PLD6: variants seen among roughly 807,000 people sequenced by gnomAD.
The protein encoded by PLD6 is mitochondrial cardiolipin hydrolase.
A neutral mutation model predicts 9.7 loss-of-function variants in PLD6; 10 were observed. That is an observed-to-expected ratio of 1.03 (90% CI 0.64 to 1.75). The LOEUF is 1.75. Ranked by LOEUF, PLD6 falls within the 40% of genes most tolerant of loss-of-function variation. The probability of loss-of-function intolerance (pLI) is 0.00; values close to 1 mark genes in which losing one functional copy is unlikely to be tolerated. For synonymous variants in PLD6, 152 were observed against 159.2 expected, an observed-to-expected ratio of 0.96 and a Z score of 0.34; for missense variants, 334 against 347.6, an observed-to-expected ratio of 0.96 and a Z score of 0.31.
At position 17,204,628 on chromosome 17, in the gene PLD6, T is replaced by TA. The variant is rs1413225927; in HGVS notation, c.427+1231dup. On this transcript the variant is annotated intron_variant, in intron 1 of 1. Coordinates refer to ENST00000321560, the MANE Select transcript of PLD6 (RefSeq NM_178836.4). ...GAGGGGATCCGATGGGACCTTGGTC[T>TA]AGGGGCCCTTGAAGGGTCTTCACCA... Among the ~76,000 whole-genome samples, 5 of 152,312 alleles carry TA rather than the reference T, an allele frequency of 3.3e-5. No homozygotes were observed. In the East Asian group the frequency reaches 7.7e-4, roughly 24 times the overall value.
chr17:17,202,820 T>G lies in PLD6; in HGVS notation c.706A>C (p.Arg236=). The part of the protein sequence containing the change: ...CAPPVSRAGG[R]LLSWHRTCGT... Reference sequence around the variant, plus strand: ...CAAGTTCTGTGCCATGAAAGCAATCTCCCTCCAGCTCTGGAGACAGGTGGG... The same window carrying G: ...CAAGTTCTGTGCCATGAAAGCAATCGCCCTCCAGCTCTGGAGACAGGTGGG... Residue 236 remains arginine (R), a synonymous_variant, in exon 2 of 2, where the codon AGA becomes CGA. Transcript: ENST00000321560. 1 of 1,614,150 alleles carries G rather than the reference T, an allele frequency of 6.2e-7. No individual in the cohort carries two copies. Among genetic ancestry groups the G allele is most frequent in the Non-Finnish European group, 8.5e-7 (1 of 1,180,020 alleles).
rs1289056985 is a variant in PLD6, at chr17:17,206,121, G to A, written c.166C>T (p.Arg56Trp). Residue 56 changes from arginine (R) to tryptophan (W), a missense_variant, in exon 1 of 2, where the codon CGG (arginine) becomes TGG (tryptophan). Coordinates refer to ENST00000321560, the MANE Select transcript of PLD6 (RefSeq NM_178836.4). ...TCGGCCAGCTCCGCGCCCGGAGCCC[G>A]CAGCAGGGCCTCGGTACAGGTCACC... ...SQVTCTEALLRAPGAELAELP... is the reference protein window; with the variant it reads ...SQVTCTEALLWAPGAELAELP... 2 of 1,485,622 alleles carry A rather than the reference G, an allele frequency of 1.3e-6. No homozygotes were observed. Among genetic ancestry groups the A allele is most frequent in the African/African-American group, 1.5e-5 (1 of 68,008 alleles). The allele number at this position is 1,485,622 out of a possible 1,614,324, so 92.0% of individuals were successfully genotyped here. A position where few individuals can be genotyped will look rare whatever the true frequency, so the allele number is the denominator to read the frequency against.
Position 17,202,841 on chromosome 17 carries a change from G to A in PLD6, c.685C>T (p.Pro229Ser), listed in dbSNP as rs1161749301. 6.2e-7 allele frequency: 1 copy of A among 1,614,182 alleles called. No homozygotes were observed. Among genetic ancestry groups the A allele is most frequent in the Non-Finnish European group, 8.5e-7 (1 of 1,180,036 alleles). ...AATCTCCCTCCAGCTCTGGAGACAGGTGGGGCACAGCTTCCGTGACTTTTC... is the reference window on the plus strand; with the variant it reads ...AATCTCCCTCCAGCTCTGGAGACAGATGGGGCACAGCTTCCGTGACTTTTC... ...PKKSHGSCAP[P>S]VSRAGGRLLS... Residue 229 changes from proline (P) to serine (S), a missense_variant, in exon 2 of 2, where the codon CCT becomes TCT. By Grantham distance (74) the Pro-to-Ser change is moderately conservative. Coordinates refer to ENST00000321560, the MANE Select transcript of PLD6 (RefSeq NM_178836.4).
rs2144779091 is a variant in PLD6 at position 17,202,947 on chromosome 17, CTCG to C, written c.576_578del (p.Asp192del). The C allele has an allele frequency of 1.2e-6, 2 of 1,614,244 alleles. No homozygotes were observed. Among genetic ancestry groups the C allele is most frequent in the East Asian group, 2.2e-5 (1 of 44,882 alleles). On this transcript the variant is annotated inframe_deletion, in exon 2 of 2. Transcript: ENST00000321560. ...ATTCTTCCAGAAAAAGCCGCACGTA[CTCG>C]TCGTCCTCCGTGATGAGAACATTCT...
rs143216890 is a variant in PLD6, at chr17:17,202,417, G to A, written c.*350C>T. On this transcript the variant is annotated 3_prime_UTR_variant, in exon 2 of 2. Transcript: ENST00000321560. ...GAAAGGGCCCACATCAGCCAAAGCA[G>A]GAGGGACTTTTCTAGAATCAGGGAA... 2.7e-5 allele frequency: 7 copies of A among 259,440 alleles called. No homozygotes were observed. The highest frequency in any genetic ancestry group is 1.3e-4 in the African/African-American group (6 of 45,574). The allele number at this position is 259,440 out of a possible 1,614,324, so 16.1% of individuals were successfully genotyped here.
In PLD6 at chr17:17,202,476, C is replaced by A; in HGVS notation, c.*291G>T. 1 of 392,436 alleles carries A rather than the reference C, an allele frequency of 2.5e-6. No individual in the cohort carries two copies. Among genetic ancestry groups the A allele is most frequent in the South Asian group, 3.1e-5 (1 of 31,886 alleles). The allele number at this position is 392,436 out of a possible 1,614,324, so 24.3% of individuals were successfully genotyped here. A position where few individuals can be genotyped will look rare whatever the true frequency, so the allele number is the denominator to read the frequency against. On this transcript the variant is annotated 3_prime_UTR_variant, in exon 2 of 2. Coordinates refer to ENST00000321560, the MANE Select transcript of PLD6 (RefSeq NM_178836.4). ...GATCGACCTGGAAGAGGCACTGTGCCTTTTCTGTGCTGTAGCAGAAGTTTC... is the reference window on the plus strand; with the variant it reads ...GATCGACCTGGAAGAGGCACTGTGCATTTTCTGTGCTGTAGCAGAAGTTTC...
rs1428288679 is a variant in PLD6 at position 17,202,191 on chromosome 17, C to T, written c.*576G>A. 1.9e-5 allele frequency: 3 copies of T among 156,192 alleles called. No individual in the cohort carries two copies. The highest frequency in any genetic ancestry group is 7.2e-5 in the African/African-American group (3 of 41,474). 9.7% of individuals were successfully genotyped at this position (156,192 alleles called of 1,614,324 possible). A position where few individuals can be genotyped will look rare whatever the true frequency, so the allele number is the denominator to read the frequency against. On this transcript the variant is annotated 3_prime_UTR_variant, in exon 2 of 2. Transcript: ENST00000321560. The stretch of plus-strand genomic sequence containing the variant: ...CAGCCAGCCTTTGGTGGCAATGACG[C>T]TCACGGGGTTGCCCCGAAGGCTGCT...
In PLD6 at chr17:17,203,111, C is replaced by G; in HGVS notation, c.428-13G>C. ...CGGACCTGGATCCCTGCAGAAAGGA[C>G]AAGGTGATTTCATTCCATGCAGGAG... On this transcript the variant is annotated splice_polypyrimidine_tract_variant and intron_variant, in intron 1 of 1. Transcript: ENST00000321560. 1 of 1,609,268 alleles carries G rather than the reference C, an allele frequency of 6.2e-7. No homozygotes were observed. Among genetic ancestry groups the G allele is most frequent in the Non-Finnish European group, 8.5e-7 (1 of 1,176,382 alleles).
rs2046671551 is a variant in PLD6 at position 17,201,211 on chromosome 17, C to G, written c.*1556G>C. 6.6e-6 allele frequency: 1 copy of G among 152,186 alleles called. No homozygotes were observed. The highest frequency in any genetic ancestry group is 2.1e-4 in the South Asian group (1 of 4,832). The allele number at this position is 152,186 out of a possible 1,614,324, so 9.4% of individuals were successfully genotyped here. On this transcript the variant is annotated 3_prime_UTR_variant, in exon 2 of 2. Transcript: ENST00000321560. ...AAAAGTTAACTTCCAAGCTGGCTTGCCTAACACTGTGAGTCAAAAGTAACC... is the reference window on the plus strand; with the variant it reads ...AAAAGTTAACTTCCAAGCTGGCTTGGCTAACACTGTGAGTCAAAAGTAACC...
At chr17:17,205,656 T>C (rs534381569) in intron 1 of PLD6, among the ~76,000 whole-genome samples, 1 of 152,308 alleles carries the variant, frequency 6.6e-6, no homozygotes, top group South Asian at 2.1e-4. Flanking sequence ...AGGGTCCGGC[T>C]CGCTTATGCC....
At position 17,206,147 on chromosome 17, in the gene PLD6, T is replaced by C. The variant is rs2046718580; in HGVS notation, c.140A>G (p.Gln47Arg). ...CAGCAGGGCCTCGGTACAGGTCACC[T>C]GAGACGGGAAGAACAGCGCCTCGCG... ...PRREALFFPS[Q>R]VTCTEALLRA... is the part of the protein sequence containing the mutation. Residue 47 changes from glutamine to arginine, a missense_variant, in exon 1 of 2, where the codon CAG (glutamine) becomes CGG (arginine). Coordinates refer to ENST00000321560, the MANE Select transcript of PLD6 (RefSeq NM_178836.4). 8.6e-6 allele frequency: 13 copies of C among 1,504,012 alleles called. No individual in the cohort carries two copies. The highest frequency in any genetic ancestry group is 4.3e-5 in the Admixed American group (2 of 46,904). The allele number at this position is 1,504,012 out of a possible 1,614,324, so 93.2% of individuals were successfully genotyped here. A position where few individuals can be genotyped will look rare whatever the true frequency, so the allele number is the denominator to read the frequency against.
In PLD6 at chr17:17,202,537, G is replaced by A; in HGVS notation, c.*230C>T. 1 of 553,560 alleles carries A rather than the reference G, an allele frequency of 1.8e-6. No individual in the cohort carries two copies. Among genetic ancestry groups the A allele is most frequent in the Non-Finnish European group, 3.2e-6 (1 of 310,288 alleles). The allele number at this position is 553,560 out of a possible 1,614,324, so 34.3% of individuals were successfully genotyped here. On this transcript the variant is annotated 3_prime_UTR_variant, in exon 2 of 2. Coordinates refer to ENST00000321560, the MANE Select transcript of PLD6 (RefSeq NM_178836.4). ...CAAGATACGGACCACACTCATGAAA[G>A]CACCCCGTGGCAGGTCGTGACTGAA...
intron 1 of PLD6, among the ~76,000 whole-genome samples, chr17:17,204,713 G>A (rs1268715042): frequency 6.6e-6 from 1 of 152,188 alleles, no homozygotes; most frequent in Non-Finnish European, 1.5e-5. Flanking sequence ...CATGCCTGGA[G>A]GTCCCCAAAC....
rs1055759771 is a variant in PLD6, at chr17:17,201,712, G to A, written c.*1055C>T. Reference sequence around the variant, plus strand: ...AGTTAAAAGCCCGGCCGGGCATGGCGGCTCACACCTGTAATCCCAGCACTT... The same window carrying A: ...AGTTAAAAGCCCGGCCGGGCATGGCAGCTCACACCTGTAATCCCAGCACTT... On this transcript the variant is annotated 3_prime_UTR_variant, in exon 2 of 2. Transcript: ENST00000321560. 1.3e-5 allele frequency: 2 copies of A among 152,224 alleles called. No individual in the cohort carries two copies. The highest frequency in any genetic ancestry group is 4.8e-5 in the African/African-American group (2 of 41,422). 9.4% of individuals were successfully genotyped at this position (152,224 alleles called of 1,614,324 possible).
chr17:17,204,648 T>C (rs1266543143), intron 1 of PLD6, among the ~76,000 whole-genome samples: 3 of 152,142 alleles, frequency 2.0e-5, no homozygotes, highest in Non-Finnish European at 2.9e-5. Context: ...TGAAGGGTCT[T>C]CACCAACCTC....
At chr17:17,203,827 G>A (rs76770607) in intron 1 of PLD6, among the ~76,000 whole-genome samples, 1,569 of 152,284 alleles carry the variant, frequency 0.01, 13 homozygotes, top group Non-Finnish European at 0.018. Context: ...CAGATTTTCC[G>A]AATCAAAATA....
rs1218440588 is a variant in PLD6 at position 17,202,707 on chromosome 17, G to A, written c.*60C>T. 8 of 1,473,068 alleles carry A rather than the reference G, an allele frequency of 5.4e-6. No homozygotes were observed. Among genetic ancestry groups the A allele is most frequent in the Admixed American group, 4.2e-5 (2 of 47,916 alleles). The allele number at this position is 1,473,068 out of a possible 1,614,324, so 91.2% of individuals were successfully genotyped here. ...AGTTTAACGATTTTTTTCTAGTGCC[G>A]AGGTCTCCCTCCCTCAGAACGCACA... On this transcript the variant is annotated 3_prime_UTR_variant, in exon 2 of 2. Transcript: ENST00000321560.
rs2046681588 is a variant in PLD6 at position 17,202,317 on chromosome 17, G to C, written c.*450C>G. Reference sequence around the variant, plus strand: ...GCCCTGACAGGGGCAGACTGTGAGGGACAAGGAGACTGTAGGCCCCAACCA... The same window carrying C: ...GCCCTGACAGGGGCAGACTGTGAGGCACAAGGAGACTGTAGGCCCCAACCA... On this transcript the variant is annotated 3_prime_UTR_variant, in exon 2 of 2. Coordinates refer to ENST00000321560, the MANE Select transcript of PLD6 (RefSeq NM_178836.4). 1 of 169,602 alleles carries C rather than the reference G, an allele frequency of 5.9e-6. No homozygotes were observed. 10.5% of individuals were successfully genotyped at this position (169,602 alleles called of 1,614,324 possible).
intron 1 of PLD6, among the ~76,000 whole-genome samples, chr17:17,205,058 G>A (rs1364439882): frequency 1.4e-5 from 2 of 147,580 alleles, no homozygotes; most frequent in East Asian, 3.9e-4. Flanking sequence ...TGACTTTCTG[G>A]GTGCCTGAGT....
Sources: allele counts gnomAD v4.1 joint callset (sites outside exome capture counted in the v4.1 genomes callset), GRCh38; gene constraint gnomAD v4.1.1; transcripts MANE v1.5; gene names NCBI Gene and HGNC (gene_info 2026-07-23, HGNC 2026-07-21).